Variants in ADH1C observed in about 807,000 individuals in gnomAD.
The protein encoded by ADH1C is alcohol dehydrogenase 1C.
ADH1C carries 26 observed loss-of-function variants against 35.0 expected under a neutral mutation model. That is an observed-to-expected ratio of 0.74 (90% confidence interval 0.54 to 1.03). The LOEUF (loss-of-function observed/expected upper bound fraction) is 1.03. Ranked by LOEUF, ADH1C falls within the 50% of genes least tolerant of loss-of-function variation. The pLI is 0.00. For missense variants in ADH1C, 413 were observed against 465.4 expected, an observed-to-expected ratio of 0.89 and a Z score of 1.04; for synonymous variants, 170 against 169.3, an observed-to-expected ratio of 1.00 and a Z score of -0.03.
At chr4:99,347,700 A>G in intron 2 of ADH1C, 45 bp downstream of exon 2, 1 of 1,527,006 alleles carries the variant, frequency 6.5e-7, no homozygotes, top group Non-Finnish European at 8.9e-7. Context: ...TATTTTCTGA[A>G]TTCTTTAAAC....
intron 2 of ADH1C, 149 bp from the exon 3 acceptor site, chr4:99,347,293 G>T (rs1447573794): frequency 9.9e-7 from 1 of 1,005,598 alleles, no homozygotes; most frequent in Non-Finnish European, 1.4e-6. Context: ...GAAAGATTCA[G>T]TTTATCTCCA....
chr4:99,346,019 AT>A (rs1473033658), intron 3 of ADH1C, among the ~76,000 whole-genome samples: 2 of 152,088 alleles, frequency 1.3e-5, no homozygotes, highest in East Asian at 3.8e-4. Context: ...TTTGATATTA[AT>A]TTTTTTCTGA....
Position 99,339,582 on chromosome 4 carries a change from T to G in ADH1C, c.1098A>C (p.Gly366=), listed in dbSNP as rs1734366528. 4 of 1,570,486 alleles carry G rather than the reference T, an allele frequency of 2.5e-6. No homozygotes were observed. The East Asian group carries it at 9.1e-5, about 36-fold the overall frequency. ...AAAAACAACTTAAAATCTACCTCTT[T>G]CCAGAGCGAAGCAGGTCAAATCCTT... ...INEGFDLLRS[G]KSIRTVLTF Residue 366 remains glycine, a synonymous_variant, in exon 8 of 9, where the codon GGA becomes GGC. Coordinates refer to ENST00000515683, the MANE Select transcript of ADH1C (RefSeq NM_000669.5).
chr4:99,352,464 CAT>C (rs1195596958), intron 1 of ADH1C, among the ~76,000 whole-genome samples, 192 bp downstream of exon 1: 1 of 152,060 alleles, frequency 6.6e-6, no homozygotes, highest in African/African-American at 2.4e-5. Flanking sequence ...GTTCAGTATA[CAT>C]TACATATTAT....
In ADH1C at chr4:99,346,323, G is replaced by A. The variant is rs145481050; in HGVS notation, c.259+683C>T. Among the ~76,000 whole-genome samples, 453 of 152,010 alleles carry A rather than the reference G, an allele frequency of 3.0e-3. 3 individuals are homozygous for A. Among genetic ancestry groups the A allele is most frequent in the African/African-American group, 0.011 (449 of 41,458 alleles). On this transcript the variant is annotated intron_variant, in intron 3 of 8. Coordinates refer to ENST00000515683, the MANE Select transcript of ADH1C (RefSeq NM_000669.5). ...TTTATATTAATACATAATAAGATTA[G>A]GTAAAATAAATATTGAAGATAAAAT...
At chr4:99,345,382 A>G (rs992545420) in intron 3 of ADH1C, 116 bp from the exon 4 acceptor site, 3 of 1,108,886 alleles carry the variant, frequency 2.7e-6, no homozygotes, top group African/African-American at 3.1e-5. Flanking sequence ...TCTAAGAAAT[A>G]GGGTCTAGTC....
chr4:99,351,426 G>A (rs1734677156), intron 1 of ADH1C, among the ~76,000 whole-genome samples: 1 of 152,142 alleles, frequency 6.6e-6, no homozygotes, highest in South Asian at 2.1e-4. Flanking sequence ...TATTGATGTT[G>A]CACTCAAGAG....
At chr4:99,350,383 A>G (rs1353414433) in intron 1 of ADH1C, among the ~76,000 whole-genome samples, 1 of 152,188 alleles carries the variant, frequency 6.6e-6, no homozygotes, top group Non-Finnish European at 1.5e-5. Context: ...AGCAGTGTAC[A>G]CTGTATCCAA....
intron 7 of ADH1C, among the ~76,000 whole-genome samples, chr4:99,339,978 T>G (rs1390585265): frequency 6.6e-6 from 1 of 152,184 alleles, no homozygotes; most frequent in Non-Finnish European, 1.5e-5. Context: ...AGGAGCAAAT[T>G]TATTAGTTGT....
At chr4:99,344,037 A>C (rs1333364544) in intron 5 of ADH1C, among the ~76,000 whole-genome samples, 1 of 152,194 alleles carries the variant, frequency 6.6e-6, no homozygotes, top group Admixed American at 6.6e-5. Flanking sequence ...CTTGTTTGTG[A>C]CTGTGGTTTA....
Position 99,347,755 on chromosome 4 carries a change from A to G in ADH1C, c.110T>C (p.Val37Ala). 4 of 1,607,450 alleles carry G rather than the reference A, an allele frequency of 2.5e-6. No individual in the cohort carries two copies. In the South Asian group the frequency reaches 3.4e-5, roughly 13 times the overall value. The stretch of plus-strand genomic sequence containing the variant: ...GAAAAAGTATTTCACCTTAATGCGA[A>G]CTTCATGAGCCTTAGGAGGTGCAAC... ...VEVAPPKAHE[V>A]RIKMVAAGIC... The change falls in exon 2 of 9, where the codon GTT becomes GCT. Residue 37 changes from valine (V) to alanine (A), a missense_variant. Physicochemically the swap from Val to Ala is moderately conservative, Grantham distance 64 (BLOSUM62 0). Transcript: ENST00000515683.
intron 7 of ADH1C, among the ~76,000 whole-genome samples, 168 bp downstream of exon 7, chr4:99,340,407 T>C (rs1165040107): frequency 7.1e-6 from 1 of 141,294 alleles, no homozygotes; most frequent in Non-Finnish European, 1.6e-5. Context: ...GAGCAAGACT[T>C]CATCTCCAAA....
rs2241894 is a variant in ADH1C, at chr4:99,344,976, T to A, written c.453A>T (p.Thr151=). 3.1e-6 allele frequency: 5 copies of A among 1,613,876 alleles called. No homozygotes were observed. Among genetic ancestry groups the A allele is most frequent in the Middle Eastern group, 1.6e-4 (1 of 6,084 alleles). ...TGGCCACTGCATTCTCATCCACCAC[T>A]GTGTACTGGGAGAAGGTGCTGACGC... ...FVGVSTFSQY[T]VVDENAVAKI... The change falls in exon 5 of 9, where the codon ACA becomes ACT. Residue 151 remains threonine (T), a synonymous_variant. Transcript: ENST00000515683.
intron 8 of ADH1C, 34 bp downstream of exon 8, chr4:99,339,543 A>G: frequency 1.4e-6 from 2 of 1,476,096 alleles, no homozygotes; most frequent in Non-Finnish European, 9.1e-7. Flanking sequence ...ACTGTAGAAT[A>G]CAAAGCAAAA....
At chr4:99,340,522 G>A in intron 7 of ADH1C, 53 bp downstream of exon 7, 15 of 1,599,576 alleles carry the variant, frequency 9.4e-6, no homozygotes, top group Non-Finnish European at 1.3e-5. Context: ...ACTCATAAAA[G>A]GAGAGAAATT....
intron 1 of ADH1C, among the ~76,000 whole-genome samples, chr4:99,348,106 T>C (rs1035830366): frequency 2.6e-5 from 4 of 152,038 alleles, no homozygotes; most frequent in Non-Finnish European, 5.9e-5. Context: ...TATTCTTTTT[T>C]ATTTTATTTT....
rs534807187 is a variant in ADH1C, at chr4:99,338,980, A to G, written c.1103+597T>C. Among the ~76,000 whole-genome samples the G allele has an allele frequency of 2.0e-5, 3 of 152,170 alleles. No individual in the cohort carries two copies. In the South Asian group the frequency reaches 6.2e-4, roughly 32 times the overall value. ...CTTATTTTTCTAAGACTTGGAGAAAATGTAAGACAAATATTTAAAATAGGG... is the reference window on the plus strand; with the variant it reads ...CTTATTTTTCTAAGACTTGGAGAAAGTGTAAGACAAATATTTAAAATAGGG... On this transcript the variant is annotated intron_variant, in intron 8 of 8. Coordinates refer to ENST00000515683, the MANE Select transcript of ADH1C (RefSeq NM_000669.5).
chr4:99,338,446 C>CACAT (rs1553913954), intron 8 of ADH1C, among the ~76,000 whole-genome samples: 19 of 39,582 alleles, frequency 4.8e-4, no homozygotes, highest in African/African-American at 1.9e-3. Flanking sequence ...TATATATATA[C>CACAT]ACACTCTTGA....
At position 99,347,783 on chromosome 4, in the gene ADH1C, C is replaced by G; in HGVS notation, c.82G>C (p.Glu28Gln). ...TCATGAGCCTTAGGAGGTGCAACCTCTACCTCCTCAATGGAAAAGGGTTTC... is the reference window on the plus strand; with the variant it reads ...TCATGAGCCTTAGGAGGTGCAACCTGTACCTCCTCAATGGAAAAGGGTTTC... ...LKKPFSIEEVEVAPPKAHEVR... is the reference protein window; with the variant it reads ...LKKPFSIEEVQVAPPKAHEVR... The change falls in exon 2 of 9, where the codon GAG becomes CAG. Residue 28 changes from glutamate (E) to glutamine (Q), a missense_variant. By Grantham distance (29) the Glu-to-Gln change is conservative (BLOSUM62 2). Coordinates refer to ENST00000515683, the MANE Select transcript of ADH1C (RefSeq NM_000669.5). 6.2e-7 allele frequency: 1 copy of G among 1,613,852 alleles called. No homozygotes were observed. The highest frequency in any genetic ancestry group is 2.2e-5 in the East Asian group (1 of 44,872).
Sources: gnomAD v4.1 joint callset for allele counts (sites outside exome capture counted in the v4.1 genomes callset) on GRCh38, gnomAD v4.1.1 for gene constraint, MANE v1.5 for transcripts, NCBI Gene and HGNC (gene_info 2026-07-23, HGNC 2026-07-21) for gene names.